The following PKHD1 variants were observed in gnomAD, a reference collection of about 807,000 sequenced individuals.
The protein encoded by PKHD1 is fibrocystin.
In PKHD1, 291 loss-of-function variants were observed where a neutral mutation model predicts 412.0. The observed-to-expected ratio is 0.71, with a 90% CI of 0.64 to 0.78. PKHD1 has a LOEUF of 0.78. Ranked by LOEUF, PKHD1 falls within the 30% of genes least tolerant of loss-of-function variation. The probability of loss-of-function intolerance (pLI) is 0.00; values close to 1 mark genes in which losing one functional copy is unlikely to be tolerated. For synonymous variants in PKHD1, 1,777 were observed against 1,821.5 expected (o/e 0.98, Z 0.62); for missense variants, 4,825 against 4,950.7 (o/e 0.97, Z 0.76).
intron 35 of PKHD1, among the ~76,000 whole-genome samples, chr6:52,009,060 A>T (rs894860910): frequency 6.6e-6 from 1 of 152,190 alleles, no homozygotes; most frequent in Non-Finnish European, 1.5e-5. Flanking sequence ...CTGACAGCTG[A>T]CTGCTGAGAA....
chr6:51,786,592 C>A (rs1792891245), intron 53 of PKHD1, among the ~76,000 whole-genome samples: 1 of 152,104 alleles, frequency 6.6e-6, no homozygotes, highest in Non-Finnish European at 1.5e-5. Flanking sequence ...CCAGACATAC[C>A]CATCCCCTAC....
Position 51,619,485 on chromosome 6 carries a change from G to C in PKHD1, c.11821C>G (p.Gln3941Glu), listed in dbSNP as rs764216969. 4 of 1,613,966 alleles carry C rather than the reference G, an allele frequency of 2.5e-6. No individual in the cohort carries two copies. The Admixed American group carries it at 5.0e-5, about 20-fold the overall frequency. ...CCATTCATCAACTGGTGGGGGCACT[G>C]GTTCACCTTGCCCAGCATGACCTTC... ...RMKVMLGKVN[Q>E]CPHQLMNGVS... The change falls in exon 67 of 67, where the codon CAG becomes GAG. Residue 3941 changes from glutamine to glutamate, a missense_variant. Transcript: ENST00000371117.
At chr6:51,656,278 G>A (rs1277087495) in intron 61 of PKHD1, among the ~76,000 whole-genome samples, 1 of 152,176 alleles carries the variant, frequency 6.6e-6, no homozygotes, top group Admixed American at 6.5e-5. Flanking sequence ...ACTCATAAGT[G>A]GGAGTTGAAT....
chr6:51,755,340 T>C (rs1036186246), intron 55 of PKHD1, among the ~76,000 whole-genome samples: 1 of 152,178 alleles, frequency 6.6e-6, no homozygotes, highest in African/African-American at 2.4e-5. Context: ...TGCCATTTTT[T>C]GACAACTTTG....
chr6:51,806,223 TA>T (rs777018183), intron 52 of PKHD1, among the ~76,000 whole-genome samples: 16 of 92,830 alleles, frequency 1.7e-4, no homozygotes, highest in African/African-American at 2.7e-4. Context: ...TAAAGTATAA[TA>T]AAAAAAAAAG....
At chr6:51,969,849 T>C (rs1158753037) in intron 35 of PKHD1, among the ~76,000 whole-genome samples, 1 of 152,220 alleles carries the variant, frequency 6.6e-6, no homozygotes, top group Non-Finnish European at 1.5e-5. Flanking sequence ...CATTGGAAAC[T>C]TAGGTTGATT....
intron 60 of PKHD1, chr6:51,721,185 ATGGCCAAGGTC>A: frequency 1.1e-6 from 1 of 928,524 alleles, no homozygotes; most frequent in Non-Finnish European, 1.3e-6. Context: ...GCTTAAGGTC[ATGGCCAAGGTC>A]TGATTTTGCA....
intron 52 of PKHD1, among the ~76,000 whole-genome samples, chr6:51,817,552 C>T (rs1326676904): frequency 6.6e-6 from 1 of 152,150 alleles, no homozygotes; most frequent in African/African-American, 2.4e-5. Context: ...CCAGAGCAAA[C>T]ACCCCAAGGC....
chr6:52,057,151 T>C (rs1172638116), intron 16 of PKHD1, among the ~76,000 whole-genome samples, 172 bp from the exon 17 acceptor site: 1 of 152,248 alleles, frequency 6.6e-6, no homozygotes, highest in Admixed American at 6.5e-5. Context: ...CATTGCCTAA[T>C]GAGAACTTTT....
chr6:51,978,083 G>A lies in PKHD1; in HGVS notation c.5752-18057C>T, dbSNP rs142029897. 3.5e-3 allele frequency among the ~76,000 whole-genome samples: 536 copies of A among 152,152 alleles called. 1 individual carries two copies. The highest frequency in any genetic ancestry group is 0.012 in the African/African-American group (497 of 41,494). ...GCCACAGAAAATCCCATAAGAGAGA[G>A]CTGCACCTGCCACACATGATGTCTC... is the stretch of plus-strand genomic sequence containing the variant. On this transcript the variant is annotated intron_variant, in intron 35 of 66. Coordinates refer to ENST00000371117, the MANE Select transcript of PKHD1 (RefSeq NM_138694.4).
In PKHD1 at chr6:52,058,327, A is replaced by AC. The variant is rs1212620998; in HGVS notation, c.1507dup (p.Val503GlyfsTer21). On this transcript the variant is annotated frameshift_variant, in exon 16 of 67. Transcript: ENST00000371117. LOFTEE classifies it high-confidence loss of function. ...GGACTGGAAAGAGACACAGACCTGT[A>AC]CTTCTGGAAGCCTCTGGGCTCGGAC... is the stretch of plus-strand genomic sequence containing the variant. 6.2e-7 allele frequency: 1 copy of AC among 1,614,122 alleles called. No individual in the cohort carries two copies.
At chr6:51,979,837 G>GT (rs1794917614) in intron 35 of PKHD1, among the ~76,000 whole-genome samples, 2 of 152,168 alleles carry the variant, frequency 1.3e-5, no homozygotes, top group Non-Finnish European at 2.9e-5. Flanking sequence ...TTGTATGCAC[G>GT]TGTTTTTTCT....
At chr6:51,854,473 TG>T (rs368701476) in intron 49 of PKHD1, among the ~76,000 whole-genome samples, 82 of 152,214 alleles carry the variant, frequency 5.4e-4, no homozygotes, top group African/African-American at 1.9e-3. Context: ...TGTGTTTCAC[TG>T]GGGGGAAACC....
At chr6:51,800,737 C>G (rs1356510620) in intron 52 of PKHD1, among the ~76,000 whole-genome samples, 1 of 152,094 alleles carries the variant, frequency 6.6e-6, no homozygotes, top group Non-Finnish European at 1.5e-5. Flanking sequence ...GCAGGCAGAC[C>G]CACTGCTTGT....
chr6:51,632,231 A>T (rs1768014663), intron 65 of PKHD1, among the ~76,000 whole-genome samples: 1 of 151,730 alleles, frequency 6.6e-6, no homozygotes, highest in Non-Finnish European at 1.5e-5. Context: ...TGATTCTTTA[A>T]CTCACTTTTT....
chr6:51,759,050 T>C (rs1787545002), intron 55 of PKHD1, among the ~76,000 whole-genome samples: 1 of 152,180 alleles, frequency 6.6e-6, no homozygotes, highest in South Asian at 2.1e-4. Context: ...GGCCACAGAT[T>C]TCTGAACTCT....
chr6:51,795,435 A>G (rs1196869550), intron 52 of PKHD1, among the ~76,000 whole-genome samples: 7 of 152,168 alleles, frequency 4.6e-5, no homozygotes, highest in African/African-American at 1.7e-4. Flanking sequence ...GGGCTGAAAC[A>G]ATAGGGTTTT....
At chr6:52,060,970 A>G (rs1808583201) in intron 14 of PKHD1, among the ~76,000 whole-genome samples, 1 of 152,212 alleles carries the variant, frequency 6.6e-6, no homozygotes. Flanking sequence ...TGGTTCCTCA[A>G]AATGGCAGTT....
Position 51,874,916 on chromosome 6 carries a change from C to G in PKHD1, c.7351-4277G>C, listed in dbSNP as rs868223423. On this transcript the variant is annotated intron_variant, in intron 46 of 66. Coordinates refer to ENST00000371117, the MANE Select transcript of PKHD1 (RefSeq NM_138694.4). ...GGCCAGTGTGTGTGCGCACCGTGCGCGAGCCGAAGCAGGGCGAGGCATTGC... is the reference window on the plus strand; with the variant it reads ...GGCCAGTGTGTGTGCGCACCGTGCGGGAGCCGAAGCAGGGCGAGGCATTGC... Among the ~76,000 whole-genome samples, 5 of 84,264 alleles carry G rather than the reference C, an allele frequency of 5.9e-5. No individual in the cohort carries two copies. The South Asian group carries it at 2.4e-3, about 40-fold the overall frequency. The allele number at this position is 84,264 out of a possible 152,430, so 55.3% of individuals were successfully genotyped here.
Sources: allele counts gnomAD v4.1 joint callset (sites outside exome capture counted in the v4.1 genomes callset), GRCh38; gene constraint gnomAD v4.1.1; transcripts MANE v1.5; gene names NCBI Gene and HGNC (gene_info 2026-07-23, HGNC 2026-07-21).